The following IQSEC1 variants were observed in gnomAD, a reference collection of about 807,000 sequenced individuals.
IQSEC1 encodes the protein IQ motif and SEC7 domain-containing protein 1.
Under a neutral mutation model 91.0 loss-of-function variants are expected in IQSEC1, and 31 were observed. That is an observed-to-expected ratio of 0.34 (90% confidence interval 0.26 to 0.46). The LOEUF (loss-of-function observed/expected upper bound fraction) is 0.46, where lower values mean the gene tolerates loss of function less well. Among genes scored for constraint, IQSEC1 ranks in the 20% least tolerant of loss-of-function variants. The pLI is 1.00. For missense variants in IQSEC1, 1,388 were observed against 1,575.6 expected, an observed-to-expected ratio of 0.88 and a Z score of 2.02; for synonymous variants, 699 against 662.6, an observed-to-expected ratio of 1.05 and a Z score of -0.84.
At chr3:12,951,435 A>C (rs2125419760) in intron 1 of IQSEC1, among the ~76,000 whole-genome samples, 1 of 143,764 alleles carries the variant, frequency 7.0e-6, no homozygotes, top group South Asian at 2.2e-4. Flanking sequence ...AACAAAGTGA[A>C]CCTCTATCTC....
intron 3 of IQSEC1, among the ~76,000 whole-genome samples, chr3:12,928,359 C>T (rs1052038526): frequency 1.3e-5 from 2 of 152,214 alleles, no homozygotes; most frequent in African/African-American, 2.4e-5. Context: ...AAGGGCCATA[C>T]CGCAGAAGTG....
At chr3:13,178,529 A>AG (rs1484636327) in intron 1 of IQSEC1, among the ~76,000 whole-genome samples, 6 of 152,180 alleles carry the variant, frequency 3.9e-5, no homozygotes, top group South Asian at 2.1e-4. Context: ...TGCCCTTACA[A>AG]GGGCCCTCTT....
chr3:13,281,064 G>A (rs553098279), intron 1 of IQSEC1, among the ~76,000 whole-genome samples: 1 of 152,372 alleles, frequency 6.6e-6, no homozygotes, highest in South Asian at 2.1e-4. Context: ...AGGGAAAAAG[G>A]AAGCCATTCC....
At position 13,282,312 on chromosome 3, in the gene IQSEC1, G is replaced by A. The variant is rs747679415; in HGVS notation, c.272+399C>T. Among the ~76,000 whole-genome samples, 2 of 152,096 alleles carry A rather than the reference G, an allele frequency of 1.3e-5. No individual in the cohort carries two copies. The highest frequency in any genetic ancestry group is 2.9e-5 in the Non-Finnish European group (2 of 68,000). On this transcript the variant is annotated intron_variant, in intron 1 of 15. Coordinates refer to the IQSEC1 transcript ENST00000648114. The surrounding 1 kb of genome is among the most constrained non-coding windows in gnomAD (Gnocchi z 6.4). ...CGCGGCCCGCGACCCCTCCCTACCG[G>A]TCTCGGGATCTCTGGGTCGGAAGTT...
chr3:12,939,620 G>A (rs1698564361), intron 2 of IQSEC1, among the ~76,000 whole-genome samples: 1 of 152,178 alleles, frequency 6.6e-6, no homozygotes, highest in African/African-American at 2.4e-5. Flanking sequence ...CAAATGCTCA[G>A]TGGCCCTTGA....
intron 2 of IQSEC1, among the ~76,000 whole-genome samples, chr3:13,108,124 C>T (rs1315193512): frequency 6.6e-6 from 1 of 152,224 alleles, no homozygotes; most frequent in Non-Finnish European, 1.5e-5. Flanking sequence ...ATTGTTTTTC[C>T]GTAATTGATG....
chr3:13,101,513 G>A (rs547941686), intron 2 of IQSEC1, among the ~76,000 whole-genome samples: 37 of 152,220 alleles, frequency 2.4e-4, no homozygotes, highest in African/African-American at 7.5e-4. Context: ...GAAGATGAGC[G>A]ATGGTGGTGC....
chr3:13,091,629 A>G (rs966411280), intron 2 of IQSEC1, among the ~76,000 whole-genome samples: 1 of 152,208 alleles, frequency 6.6e-6, no homozygotes, highest in African/African-American at 2.4e-5. Flanking sequence ...CGGGCCCACA[A>G]TGCTCCCAGG....
chr3:13,260,832 G>A (rs1695370228), intron 1 of IQSEC1, among the ~76,000 whole-genome samples: 1 of 152,248 alleles, frequency 6.6e-6, no homozygotes, highest in Middle Eastern at 3.2e-3. Flanking sequence ...GAGGCTGAAA[G>A]CTTTGAAGGA....
intron 1 of IQSEC1, among the ~76,000 whole-genome samples, chr3:13,057,135 C>G (rs974768584): frequency 2.0e-5 from 3 of 152,158 alleles, no homozygotes; most frequent in Non-Finnish European, 2.9e-5. Context: ...GAGGCCTTAT[C>G]CTGACTGCAA....
At chr3:13,019,433 C>T (rs1296858229) in intron 1 of IQSEC1, among the ~76,000 whole-genome samples, 6 of 152,242 alleles carry the variant, frequency 3.9e-5, no homozygotes, top group East Asian at 1.9e-4. Flanking sequence ...GAAAACTATG[C>T]GCTGTCCGAT....
At chr3:13,041,431 C>T (rs908994454) in intron 1 of IQSEC1, among the ~76,000 whole-genome samples, 27 of 152,182 alleles carry the variant, frequency 1.8e-4, no homozygotes, top group African/African-American at 6.0e-4. Flanking sequence ...AGAAAAGCTC[C>T]CACACTTTCC....
At chr3:13,039,762 GCATTAT>G (rs1009725679) in intron 1 of IQSEC1, among the ~76,000 whole-genome samples, 3 of 152,186 alleles carry the variant, frequency 2.0e-5, no homozygotes, top group African/African-American at 7.2e-5. Flanking sequence ...CCTGGCTGAT[GCATTAT>G]CATTATTTCT....
chr3:12,961,973 C>T lies in IQSEC1; in HGVS notation c.24-20108G>A, dbSNP rs142860274. ...TAGTCTGACTACAGAATCTGCCTCC[C>T]TAACCATTGGGCTAAACATCCTGCA... is the stretch of plus-strand genomic sequence containing the variant. On this transcript the variant is annotated intron_variant, in intron 1 of 13. Transcript: ENST00000613206. 7.7e-3 allele frequency among the ~76,000 whole-genome samples: 1,168 copies of T among 152,344 alleles called. 13 individuals are homozygous for T. Among genetic ancestry groups the T allele is most frequent in the African/African-American group, 0.027 (1,104 of 41,568 alleles).
intron 2 of IQSEC1, among the ~76,000 whole-genome samples, chr3:13,110,963 T>G (rs1203708658): frequency 6.6e-6 from 1 of 151,976 alleles, no homozygotes; most frequent in Non-Finnish European, 1.5e-5. Context: ...GTCACCCCCA[T>G]AAGAAAAAAC....
intron 2 of IQSEC1, among the ~76,000 whole-genome samples, chr3:13,163,065 C>T (rs540768541): frequency 6.6e-6 from 1 of 152,250 alleles, no homozygotes; most frequent in East Asian, 1.9e-4. Flanking sequence ...CTGCCTCTCA[C>T]TCCCTGGACT....
At chr3:13,174,165 C>A (rs1468273820) in intron 1 of IQSEC1, among the ~76,000 whole-genome samples, 1 of 152,200 alleles carries the variant, frequency 6.6e-6, no homozygotes, top group Non-Finnish European at 1.5e-5. Context: ...GAATCTGAAT[C>A]TTGTGCACAC....
At chr3:13,113,618 G>T (rs1429177154) in intron 2 of IQSEC1, among the ~76,000 whole-genome samples, 2 of 152,196 alleles carry the variant, frequency 1.3e-5, no homozygotes, top group Admixed American at 1.3e-4. Flanking sequence ...CTCTGGGAGG[G>T]GAGGAGAAGT....
chr3:13,045,553 A>C (rs955553523), intron 1 of IQSEC1, among the ~76,000 whole-genome samples: 2 of 152,158 alleles, frequency 1.3e-5, no homozygotes, highest in Non-Finnish European at 2.9e-5. Flanking sequence ...GCTCCATCCG[A>C]TGGAGGGCTG....
Sources: allele counts gnomAD v4.1 joint callset (sites outside exome capture counted in the v4.1 genomes callset), GRCh38; gene constraint gnomAD v4.1.1; non-coding constraint Gnocchi (gnomAD v3.1); transcripts MANE v1.5; gene names NCBI Gene and HGNC (gene_info 2026-07-23, HGNC 2026-07-21).